Variants in CMC2 observed in about 807,000 individuals in gnomAD.
The protein encoded by CMC2 is COX assembly mitochondrial protein 2 homolog.
Under a neutral mutation model 7.5 loss-of-function variants are expected in CMC2, and 5 were observed. The observed-to-expected ratio is 0.66, with a 90% CI of 0.35 to 1.40. The LOEUF (loss-of-function observed/expected upper bound fraction) is 1.40. Ranked by LOEUF, CMC2 falls within the 40% of genes most tolerant of loss-of-function variation. The probability of loss-of-function intolerance (pLI) is 0.04; values close to 1 mark genes in which losing one functional copy is unlikely to be tolerated. For synonymous variants in CMC2, 37 were observed against 31.4 expected (o/e 1.18, Z -0.60); for missense variants, 115 against 92.3 (o/e 1.25, Z -1.01).
chr16:80,967,386 CTGGAGTGCAG>C lies in CMC2; in HGVS notation c.*8697_*8706del, dbSNP rs1210434993. The C allele has an allele frequency of 1.3e-5, 2 of 153,416 alleles. No individual in the cohort carries two copies. Among genetic ancestry groups the C allele is most frequent in the Non-Finnish European group, 2.9e-5 (2 of 69,036 alleles). 9.5% of individuals were successfully genotyped at this position (153,416 alleles called of 1,614,324 possible). ...GACGGAGCTCGCCGTGTCGCCCAGG[CTGGAGTGCAG>C]TGGCACGATCTCGGCTCACTGCAAG... On this transcript the variant is annotated 3_prime_UTR_variant, in exon 4 of 4. Coordinates refer to ENST00000219400, the MANE Select transcript of CMC2 (RefSeq NM_020188.5).
At position 80,973,022 on chromosome 16, in the gene CMC2, T is replaced by C. The variant is rs1369631592; in HGVS notation, c.*3071A>G. On this transcript the variant is annotated 3_prime_UTR_variant, in exon 4 of 4. Transcript: ENST00000219400. Reference sequence around the variant, plus strand: ...ACTGCATATGGGAATTCAAAATATTTGGAAATCCTCAGGAAAAAGTGCGCT... The same window carrying C: ...ACTGCATATGGGAATTCAAAATATTCGGAAATCCTCAGGAAAAAGTGCGCT... 1 of 152,274 alleles carries C rather than the reference T, an allele frequency of 6.6e-6. No individual in the cohort carries two copies. The highest frequency in any genetic ancestry group is 1.5e-5 in the Non-Finnish European group (1 of 68,084). 9.4% of individuals were successfully genotyped at this position (152,274 alleles called of 1,614,324 possible). A position where few individuals can be genotyped will look rare whatever the true frequency, so the allele number is the denominator to read the frequency against.
intron 3 of CMC2, among the ~76,000 whole-genome samples, chr16:80,979,829 C>T (rs1175633430): frequency 1.3e-5 from 2 of 151,982 alleles, no homozygotes; most frequent in Non-Finnish European, 2.9e-5. Flanking sequence ...ACCATGTTGG[C>T]TAGGCTGGTC....
intron 2 of CMC2, among the ~76,000 whole-genome samples, chr16:80,991,520 A>G (rs1013250012): frequency 3.3e-5 from 5 of 152,062 alleles, no homozygotes; most frequent in Non-Finnish European, 7.4e-5. Flanking sequence ...CGTGGCCTGT[A>G]GTCCCAGCTA....
chr16:81,001,921 C>T (rs927105278), intron 1 of CMC2, among the ~76,000 whole-genome samples: 4 of 151,926 alleles, frequency 2.6e-5, no homozygotes, highest in Admixed American at 6.6e-5. Context: ...TCATTTGAAA[C>T]GAAAAAAGAA....
Position 80,973,985 on chromosome 16 carries a change from T to A in CMC2, c.*2108A>T, listed in dbSNP as rs777322646. On this transcript the variant is annotated 3_prime_UTR_variant, in exon 4 of 4. Coordinates refer to ENST00000219400, the MANE Select transcript of CMC2 (RefSeq NM_020188.5). ...TTGGCCTACAGGGCCTTAGCTGGCATCTGCATGCTGACATCTCCCAATTTT... is the reference window on the plus strand; with the variant it reads ...TTGGCCTACAGGGCCTTAGCTGGCAACTGCATGCTGACATCTCCCAATTTT... 1.3e-5 allele frequency: 2 copies of A among 152,196 alleles called. No individual in the cohort carries two copies. Among genetic ancestry groups the A allele is most frequent in the Admixed American group, 1.3e-4 (2 of 15,284 alleles). The allele number at this position is 152,196 out of a possible 1,614,324, so 9.4% of individuals were successfully genotyped here. A position where few individuals can be genotyped will look rare whatever the true frequency, so the allele number is the denominator to read the frequency against.
At chr16:80,992,351 G>C (rs868732596) in intron 2 of CMC2, among the ~76,000 whole-genome samples, 1 of 152,146 alleles carries the variant, frequency 6.6e-6, no homozygotes, top group South Asian at 2.1e-4. Context: ...TACTGTTAGA[G>C]TTATACTTTT....
chr16:80,995,942 T>A (rs1009552002), intron 2 of CMC2, among the ~76,000 whole-genome samples: 57 of 152,246 alleles, frequency 3.7e-4, no homozygotes, highest in African/African-American at 1.4e-3. Context: ...GTTAATTTTT[T>A]AAAATCCATC....
intron 2 of CMC2, among the ~76,000 whole-genome samples, chr16:80,988,945 T>A (rs1967757424): frequency 6.6e-6 from 1 of 152,138 alleles, no homozygotes; most frequent in Non-Finnish European, 1.5e-5. Context: ...CCCACGTGGG[T>A]TTGTCTGGTG....
chr16:80,990,126 A>G (rs1388286858), intron 2 of CMC2, among the ~76,000 whole-genome samples: 1 of 151,782 alleles, frequency 6.6e-6, no homozygotes, highest in Non-Finnish European at 1.5e-5. Context: ...AGTATATGAA[A>G]CATTAACAAA....
chr16:80,995,763 G>GT (rs1968368134), intron 2 of CMC2, among the ~76,000 whole-genome samples: 1 of 152,158 alleles, frequency 6.6e-6, no homozygotes, highest in African/African-American at 2.4e-5. Context: ...TGGGCAAGAC[G>GT]TAAGTTAAGG....
chr16:80,995,356 A>G (rs568420629), intron 2 of CMC2, among the ~76,000 whole-genome samples: 1 of 152,086 alleles, frequency 6.6e-6, no homozygotes, highest in Admixed American at 6.5e-5. Context: ...GGTGCAAAAT[A>G]TAGGAATATA....
chr16:80,981,428 C>T (rs1042652844), intron 3 of CMC2, among the ~76,000 whole-genome samples: 7 of 151,892 alleles, frequency 4.6e-5, no homozygotes, highest in African/African-American at 1.7e-4. Context: ...TAATTCTAGC[C>T]TCCTCAATTT....
Position 81,000,457 on chromosome 16 carries a change from C to G in CMC2, c.-35-3028G>C, listed in dbSNP as rs867879134. ...GTTGCAGTGAGCCAAGATGGCGCCA[C>G]TGCACTCCAGCCTAGGTAACAGAGT... On this transcript the variant is annotated intron_variant, in intron 1 of 3. Transcript: ENST00000219400. Among the ~76,000 whole-genome samples, 3 of 152,228 alleles carry G rather than the reference C, an allele frequency of 2.0e-5. No homozygotes were observed. The South Asian group carries it at 6.2e-4, about 32-fold the overall frequency.
chr16:80,987,978 T>C (rs891454456), intron 2 of CMC2, among the ~76,000 whole-genome samples: 1 of 151,062 alleles, frequency 6.6e-6, no homozygotes, highest in Admixed American at 6.6e-5. Context: ...GAGTTTGAGA[T>C]GAGCCTGGGC....
Position 80,967,786 on chromosome 16 carries a change from G to A in CMC2, c.*8307C>T, listed in dbSNP as rs983473750. ...ATTTCTGTATGCAGAATTGCAGAAT[G>A]CTTTACTTTCTTAGCCCTCTACTCG... On this transcript the variant is annotated 3_prime_UTR_variant, in exon 4 of 4. Transcript: ENST00000219400. The A allele has an allele frequency of 3.3e-5, 5 of 152,184 alleles. No individual in the cohort carries two copies. Among genetic ancestry groups the A allele is most frequent in the East Asian group, 3.8e-4 (2 of 5,200 alleles). The allele number at this position is 152,184 out of a possible 1,614,324, so 9.4% of individuals were successfully genotyped here.
In CMC2 at chr16:80,997,303, T is replaced by C; in HGVS notation, c.81+11A>G. 3.6e-6 allele frequency: 5 copies of C among 1,396,980 alleles called. No homozygotes were observed. Among genetic ancestry groups the C allele is most frequent in the Non-Finnish European group, 5.1e-6 (5 of 982,656 alleles). 86.5% of individuals were successfully genotyped at this position (1,396,980 alleles called of 1,614,324 possible). A position where few individuals can be genotyped will look rare whatever the true frequency, so the allele number is the denominator to read the frequency against. On this transcript the variant is annotated intron_variant, in intron 2 of 3. Coordinates refer to ENST00000219400, the MANE Select transcript of CMC2 (RefSeq NM_020188.5). ...CATTTTGGCTGTACAGTCGTTTTTC[T>C]GAACTCTTACATTTTTGTGACATTC...
intron 2 of CMC2, among the ~76,000 whole-genome samples, chr16:80,990,617 T>G (rs2549847): frequency 0.65 from 99,096 of 152,142 alleles, 34,048 homozygotes; most frequent in South Asian, 0.8. Flanking sequence ...TATCTTCTCC[T>G]CCTTTTTTAT....
In CMC2 at chr16:81,006,718, G is replaced by A. The variant is rs1969390298; in HGVS notation, c.-36+16C>T. 4 of 985,392 alleles carry A rather than the reference G, an allele frequency of 4.1e-6. No homozygotes were observed. Among genetic ancestry groups the A allele is most frequent in the African/African-American group, 1.7e-5 (1 of 57,230 alleles). The allele number at this position is 985,392 out of a possible 1,614,324, so 61.0% of individuals were successfully genotyped here. A position where few individuals can be genotyped will look rare whatever the true frequency, so the allele number is the denominator to read the frequency against. On this transcript the variant is annotated intron_variant, in intron 1 of 3. Transcript: ENST00000219400. ...AACGGAACGCGTTCGGAACGGCCTG[G>A]ACTCCCGAGACTCACCCGACTCGTG...
At chr16:80,982,494 G>C (rs868042472) in intron 2 of CMC2, 36 of 132,588 alleles carry the variant, frequency 2.7e-4, no homozygotes, top group African/African-American at 9.9e-4. Flanking sequence ...CCTGGGCGAC[G>C]GAGTGAAACT....
Sources: gnomAD v4.1 joint callset for allele counts (sites outside exome capture counted in the v4.1 genomes callset) on GRCh38, gnomAD v4.1.1 for gene constraint, MANE v1.5 for transcripts, NCBI Gene and HGNC (gene_info 2026-07-23, HGNC 2026-07-21) for gene names.